OXNAD1: variants seen among roughly 807,000 people sequenced by gnomAD.
OXNAD1 encodes oxidoreductase NAD binding domain containing 1.
In OXNAD1, 34 loss-of-function variants were observed where a neutral mutation model predicts 32.9. The observed-to-expected ratio is 1.03, with a 90% CI of 0.79 to 1.38. The LOEUF is 1.38. Among genes scored for constraint, OXNAD1 ranks in the 40% most tolerant of loss-of-function variants. The pLI, the probability that OXNAD1 is intolerant of heterozygous loss-of-function variation, is 0.00. For synonymous variants in OXNAD1, 134 were observed against 135.2 expected, an observed-to-expected ratio of 0.99 and a Z score of 0.06; for missense variants, 407 against 379.4, an observed-to-expected ratio of 1.07 and a Z score of -0.60.
chr3:16,286,344 T>C lies in OXNAD1; in HGVS notation c.186T>C (p.Ile62=). 1 of 1,612,480 alleles carries C rather than the reference T, an allele frequency of 6.2e-7. No individual in the cohort carries two copies. Among genetic ancestry groups the C allele is most frequent in the Admixed American group, 1.7e-5 (1 of 60,002 alleles). ...CACAGTTCATCTTTTGGTTTTAGAT[T>C]GTGTCAGCAGCTAAGGTGTGTGGAG... The part of the protein sequence containing the change: ...ERTASVLRRE[I]VSAAKVCGAA... Residue 62 remains isoleucine, a splice_region_variant and synonymous_variant, in exon 5 of 9, where the codon ATT becomes ATC. Coordinates refer to ENST00000285083, the MANE Select transcript of OXNAD1 (RefSeq NM_138381.5).
chr3:16,272,104 TGCGTCACATCTCAAAGTTC>T, intron 4 of OXNAD1: 1 of 421,694 alleles, frequency 2.4e-6, no homozygotes, highest in Non-Finnish European at 4.5e-6. Context: ...TTTTTTTTTT[TGCGTCACATCTCAAAGTTC>T]TTGTTCTCAT....
rs2068875229 is a variant in OXNAD1 at position 16,320,088 on chromosome 3, T to C, written c.*30+16496T>C. Among the ~76,000 whole-genome samples the C allele has an allele frequency of 6.6e-6, 1 of 152,190 alleles. No homozygotes were observed. The highest frequency in any genetic ancestry group is 1.5e-5 in the Non-Finnish European group (1 of 68,028). On this transcript the variant is annotated intron_variant, in intron 9 of 9. Transcript: ENST00000435829. The surrounding 1 kb of genome is among the most constrained non-coding windows in gnomAD (Gnocchi z 4.5). ...AAAGAAATCCTTCACTTTACAGCAGTGTGTGTCCAGAGTTCCATGTCAGCA... is the reference window on the plus strand; with the variant it reads ...AAAGAAATCCTTCACTTTACAGCAGCGTGTGTCCAGAGTTCCATGTCAGCA...
Position 16,301,631 on chromosome 3 carries a change from A to G in OXNAD1, c.438A>G (p.Thr146=), listed in dbSNP as rs1267749652. 4.3e-6 allele frequency: 7 copies of G among 1,613,948 alleles called. No individual in the cohort carries two copies. The South Asian group carries it at 5.5e-5, about 13-fold the overall frequency. Residue 146 remains threonine (T), a synonymous_variant, in exon 7 of 9, where the codon ACA becomes ACG. Coordinates refer to ENST00000285083, the MANE Select transcript of OXNAD1 (RefSeq NM_138381.5). The surrounding 1 kb of genome is among the most constrained non-coding windows in gnomAD (Gnocchi z 4.1). ...TCTTTTCTTTCCTGCCTTAGTGTAC[A>G]CTTGACTGTGAAGTGGCTGTGAGAG... ...PPALWVHNTC[T]LDCEVAVRVG...
In OXNAD1 at chr3:16,317,785, C is replaced by G. The variant is rs1396983478; in HGVS notation, c.*30+14193C>G. On this transcript the variant is annotated intron_variant, in intron 9 of 9. Transcript: ENST00000435829. This position sits in a 1 kb window ranked among gnomAD's most constrained non-coding sequence, Gnocchi z 4.3. Reference sequence around the variant, plus strand: ...CCCCAGCTAGGCCGATAGCCCTTTGCTGACCACCACCTCACAGAAGGGTCA... The same window carrying G: ...CCCCAGCTAGGCCGATAGCCCTTTGGTGACCACCACCTCACAGAAGGGTCA... Among the ~76,000 whole-genome samples, 2 of 152,038 alleles carry G rather than the reference C, an allele frequency of 1.3e-5. No individual in the cohort carries two copies. Among genetic ancestry groups the G allele is most frequent in the East Asian group, 3.8e-4 (2 of 5,198 alleles).
Position 16,346,597 on chromosome 3 carries a change from C to T in OXNAD1, c.*31-2579C>T, listed in dbSNP as rs956911329. Among the ~76,000 whole-genome samples the T allele has an allele frequency of 6.6e-6, 1 of 152,124 alleles. No homozygotes were observed. Among genetic ancestry groups the T allele is most frequent in the Non-Finnish European group, 1.5e-5 (1 of 68,026 alleles). ...GCCCAGGGCTTCTTCCTCACTGACACCCCCCAGGCCTGGACAACCATGACT... is the reference window on the plus strand; with the variant it reads ...GCCCAGGGCTTCTTCCTCACTGACATCCCCCAGGCCTGGACAACCATGACT... On this transcript the variant is annotated intron_variant, in intron 9 of 9. Transcript: ENST00000606098. The surrounding 1 kb of genome is among the most constrained non-coding windows in gnomAD (Gnocchi z 4.4).
exon 10 of OXNAD1, chr3:16,349,571 A>G (rs2071956602): frequency 6.6e-6 from 1 of 152,270 alleles, no homozygotes; most frequent in African/African-American, 2.4e-5. Context: ...ACGCCATTTA[A>G]AATCATGCTC....
In OXNAD1 at chr3:16,345,809, TGTGTGTGTGCGCGCGCGC is replaced by T. The variant is rs1183783520; in HGVS notation, c.*31-3363_*31-3346del. Among the ~76,000 whole-genome samples the T allele has an allele frequency of 2.3e-5, 2 of 85,798 alleles. No homozygotes were observed. The highest frequency in any genetic ancestry group is 1.1e-4 in the Admixed American group (1 of 9,398). The allele number at this position is 85,798 out of a possible 152,430, so 56.3% of individuals were successfully genotyped here. A position where few individuals can be genotyped will look rare whatever the true frequency, so the allele number is the denominator to read the frequency against. ...ATCTCTGTGTGTGTGTGTGTGTGTG[TGTGTGTGTGCGCGCGCGC>T]GTGCGCGCACGCGCACATGTGCATG... On this transcript the variant is annotated intron_variant, in intron 9 of 9. Coordinates refer to the OXNAD1 transcript ENST00000606098. This position sits in a 1 kb window ranked among gnomAD's most constrained non-coding sequence, Gnocchi z 5.2.
chr3:16,318,728 TTC>T (rs1443245087), intron 9 of OXNAD1, among the ~76,000 whole-genome samples: 1 of 152,196 alleles, frequency 6.6e-6, no homozygotes, highest in African/African-American at 2.4e-5. Context: ...ATCTGGTCCT[TTC>T]CCACCCTGTA....
intron 2 of OXNAD1, among the ~76,000 whole-genome samples, chr3:16,270,580 T>C (rs1341262736): frequency 6.6e-6 from 1 of 152,240 alleles, no homozygotes; most frequent in African/African-American, 2.4e-5. Flanking sequence ...AAAAGACTTA[T>C]GCAGTACTCT....
At position 16,298,307 on chromosome 3, in the gene OXNAD1, A is replaced by G. The variant is rs1275659971; in HGVS notation, c.432+3310A>G. Among the ~76,000 whole-genome samples, 1 of 152,080 alleles carries G rather than the reference A, an allele frequency of 6.6e-6. No homozygotes were observed. Among genetic ancestry groups the G allele is most frequent in the Non-Finnish European group, 1.5e-5 (1 of 68,008 alleles). ...GAGTTGAAATAAGCATAGCCATCCC[A>G]GTTCCTAGTGCCATGAACATCTCCC... On this transcript the variant is annotated intron_variant, in intron 6 of 8. Transcript: ENST00000285083. This position sits in a 1 kb window ranked among gnomAD's most constrained non-coding sequence, Gnocchi z 5.1.
rs183156749 is a variant in OXNAD1, at chr3:16,301,730, C to T, written c.537C>T (p.Val179=). ...ACCTCGTGTTGATTGCAGGAGGAGT[C>T]GGAATTAACCCTCTGCTTTCCATCC... The part of the protein sequence containing the change: ...SRNLVLIAGG[V]GINPLLSILR... Residue 179 remains valine, a synonymous_variant, in exon 7 of 9, where the codon GTC becomes GTT. Coordinates refer to ENST00000285083, the MANE Select transcript of OXNAD1 (RefSeq NM_138381.5). This position sits in a 1 kb window ranked among gnomAD's most constrained non-coding sequence, Gnocchi z 4.1. The T allele has an allele frequency of 8.7e-6, 14 of 1,613,944 alleles. No homozygotes were observed. The highest frequency in any genetic ancestry group is 6.7e-5 in the Admixed American group (4 of 59,986).
At chr3:16,310,193 G>A (rs2067867354), downstream of OXNAD1, among the ~76,000 whole-genome samples, 1 of 152,192 alleles carries the variant, frequency 6.6e-6, no homozygotes, top group African/African-American at 2.4e-5. Context: ...TAGTTCCCCA[G>A]GTTCATAAAA....
At chr3:16,343,807 A>G (rs967458037) in intron 9 of OXNAD1, among the ~76,000 whole-genome samples, 1 of 152,238 alleles carries the variant, frequency 6.6e-6, no homozygotes, top group Non-Finnish European at 1.5e-5. Context: ...AGGAGTTTGC[A>G]TAGCAATTTG....
intron 4 of OXNAD1, among the ~76,000 whole-genome samples, chr3:16,282,037 ATTTTTT>A (rs779324288): frequency 4.2e-5 from 4 of 95,726 alleles, no homozygotes; most frequent in Admixed American, 1.2e-4. Flanking sequence ...AATGTTTGTA[ATTTTTT>A]TTTTTTTTTT....
chr3:16,309,079 TTATGG>T (rs1295943922), downstream of OXNAD1, among the ~76,000 whole-genome samples: 3 of 152,210 alleles, frequency 2.0e-5, no homozygotes, highest in Non-Finnish European at 2.9e-5. Context: ...TTTAGAAATT[TTATGG>T]TATATTAATC....
chr3:16,267,368 T>G (rs2064600957), intron 1 of OXNAD1, among the ~76,000 whole-genome samples: 1 of 152,216 alleles, frequency 6.6e-6, no homozygotes, highest in Admixed American at 6.5e-5. Context: ...CCTGATTGAT[T>G]CAGACTTTTC....
chr3:16,318,402 G>T (rs562556548), intron 9 of OXNAD1, among the ~76,000 whole-genome samples: 1 of 152,276 alleles, frequency 6.6e-6, no homozygotes, highest in South Asian at 2.1e-4. Flanking sequence ...AGAGAGAGGA[G>T]CCCAGGAATG....
At chr3:16,342,135 C>CT (rs2071357012), downstream of OXNAD1, among the ~76,000 whole-genome samples, 2 of 152,284 alleles carry the variant, frequency 1.3e-5, no homozygotes, top group African/African-American at 2.4e-5. This position sits in a 1 kb window ranked among gnomAD's most constrained non-coding sequence, Gnocchi z 4.0. Flanking sequence ...TCACCACAAT[C>CT]TAAGTTTAGA....
Position 16,288,761 on chromosome 3 carries a change from C to G in OXNAD1, c.290+2313C>G, listed in dbSNP as rs1463745701. 6.6e-6 allele frequency among the ~76,000 whole-genome samples: 1 copy of G among 152,190 alleles called. No homozygotes were observed. Among genetic ancestry groups the G allele is most frequent in the Non-Finnish European group, 1.5e-5 (1 of 68,032 alleles). Reference sequence around the variant, plus strand: ...CTAGTAGGCCTACCACTTGCTAGCTCCTTGGTGAGGCCTGCCCTTGACCAG... The same window carrying G: ...CTAGTAGGCCTACCACTTGCTAGCTGCTTGGTGAGGCCTGCCCTTGACCAG... On this transcript the variant is annotated intron_variant, in intron 5 of 8. Coordinates refer to ENST00000285083, the MANE Select transcript of OXNAD1 (RefSeq NM_138381.5). The surrounding 1 kb of genome is among the most constrained non-coding windows in gnomAD (Gnocchi z 5.1).
Sources: gnomAD v4.1 joint callset for allele counts (sites outside exome capture counted in the v4.1 genomes callset) on GRCh38, gnomAD v4.1.1 for gene constraint, Gnocchi (gnomAD v3.1) non-coding constraint, MANE v1.5 for transcripts, NCBI Gene and HGNC (gene_info 2026-07-23, HGNC 2026-07-21) for gene names.